The following BAHCC1 variants were observed in gnomAD, a reference collection of about 807,000 sequenced individuals.
BAHCC1 encodes BAH and coiled-coil domain-containing protein 1.
BAHCC1 carries 43 observed loss-of-function variants against 88.2 expected under a neutral mutation model. The observed-to-expected ratio is 0.49, with a 90% CI of 0.38 to 0.63. The LOEUF (loss-of-function observed/expected upper bound fraction) is 0.63, where lower values mean the gene tolerates loss of function less well. Ranked by LOEUF, BAHCC1 falls within the 20% of genes least tolerant of loss-of-function variation. The pLI is 0.00. For missense variants in BAHCC1, 3,023 were observed against 1,654.8 expected, an observed-to-expected ratio of 1.83 and a Z score of -14.34; for synonymous variants, 1,510 against 745.5, an observed-to-expected ratio of 2.03 and a Z score of -16.71.
chr17:81,418,642 T>G (rs2143330497), intron 2 of BAHCC1, among the ~76,000 whole-genome samples: 1 of 152,258 alleles, frequency 6.6e-6, no homozygotes, highest in East Asian at 1.9e-4. Context: ...AGTAAGTGGA[T>G]AAGTCTGGTG....
chr17:81,404,273 A>G lies in BAHCC1; in HGVS notation c.178+4356A>G, dbSNP rs555671054. 4.6e-5 allele frequency among the ~76,000 whole-genome samples: 7 copies of G among 152,376 alleles called. No homozygotes were observed. The East Asian group carries it at 1.3e-3, about 29-fold the overall frequency. On this transcript the variant is annotated intron_variant, in intron 2 of 27. Coordinates refer to ENST00000675386, the MANE Select transcript of BAHCC1 (RefSeq NM_001377448.1). The stretch of plus-strand genomic sequence containing the variant: ...TTTGGCAAAGAGCACAGAGTTAAAT[A>G]AATTATACAAGAGCCATTCATGGGA...
At chr17:81,441,692 AG>A in intron 4 of BAHCC1, 138 bp from the exon 5 acceptor site, 11 of 390,396 alleles carry the variant, frequency 2.8e-5, no homozygotes, top group Middle Eastern at 9.0e-4. Flanking sequence ...AAAAAAAAAG[AG>A]CAAAAACCTT....
Position 81,451,651 on chromosome 17 carries a change from C to G in BAHCC1, c.3977-17C>G, listed in dbSNP as rs781880205. On this transcript the variant is annotated splice_polypyrimidine_tract_variant and intron_variant, in intron 11 of 27. Coordinates refer to ENST00000675386, the MANE Select transcript of BAHCC1 (RefSeq NM_001377448.1). ...TGTGCCCAGTTATGCCCATGCTGAC[C>G]TTCCCATGCCGCACAGAGGAGGAAG... 2.6e-6 allele frequency: 2 copies of G among 770,930 alleles called. No individual in the cohort carries two copies. Among genetic ancestry groups the G allele is most frequent in the African/African-American group, 3.4e-5 (2 of 59,082 alleles). 47.8% of individuals were successfully genotyped at this position (770,930 alleles called of 1,614,324 possible). A position where few individuals can be genotyped will look rare whatever the true frequency, so the allele number is the denominator to read the frequency against.
At chr17:81,430,341 C>T (rs1380794279) in intron 3 of BAHCC1, among the ~76,000 whole-genome samples, 4 of 152,300 alleles carry the variant, frequency 2.6e-5, no homozygotes, top group Admixed American at 2.0e-4. Context: ...TGAGGCCACT[C>T]GTGGTCTCTT....
Position 81,443,095 on chromosome 17 carries a change from C to G in BAHCC1, c.1746C>G (p.Pro582=). 1.3e-6 allele frequency: 1 copy of G among 778,190 alleles called. No homozygotes were observed. The highest frequency in any genetic ancestry group is 2.4e-6 in the Non-Finnish European group (1 of 417,504). 48.2% of individuals were successfully genotyped at this position (778,190 alleles called of 1,614,324 possible). A position where few individuals can be genotyped will look rare whatever the true frequency, so the allele number is the denominator to read the frequency against. The change falls in exon 5 of 28, where the codon CCC becomes CCG. Residue 582 remains proline, a synonymous_variant. Transcript: ENST00000675386. The stretch of plus-strand genomic sequence containing the variant: ...TGGGCTACAGTGGGCCCCACCTGCC[C>G]CCATGGGGTGTCCAGGCAGGCCAGG... ...ASLGYSGPHL[P]PWGVQAGQGT...
intron 2 of BAHCC1, among the ~76,000 whole-genome samples, chr17:81,418,408 A>G (rs2064062768): frequency 1.3e-5 from 2 of 152,200 alleles, no homozygotes; most frequent in East Asian, 3.8e-4. Context: ...TCACTGCCCC[A>G]GGAGACGCAG....
chr17:81,458,890 C>T lies in BAHCC1; in HGVS notation c.5526C>T (p.Ser1842=), dbSNP rs1555658317. 1 of 774,674 alleles carries T rather than the reference C, an allele frequency of 1.3e-6. No individual in the cohort carries two copies. The highest frequency in any genetic ancestry group is 2.4e-6 in the Non-Finnish European group (1 of 414,436). The allele number at this position is 774,674 out of a possible 1,614,324, so 48.0% of individuals were successfully genotyped here. A position where few individuals can be genotyped will look rare whatever the true frequency, so the allele number is the denominator to read the frequency against. ...ACTTTGAGTTCGACGACAACAGCAG[C>T]TTCTCGGAAGAGGAGGAGGACGAGG... The part of the protein sequence containing the change: ...EEDFEFDDNS[S]FSEEEEDEEE... The change falls in exon 20 of 28, where the codon AGC becomes AGT. Residue 1842 remains serine, a synonymous_variant. Coordinates refer to ENST00000675386, the MANE Select transcript of BAHCC1 (RefSeq NM_001377448.1).
rs782369390 is a variant in BAHCC1, at chr17:81,456,501, C to T, written c.4774C>T (p.Arg1592Trp). The change falls in exon 16 of 28, where the codon CGG becomes TGG. Residue 1592 changes from arginine (R) to tryptophan (W), a missense_variant. By Grantham distance (101) the Arg-to-Trp change is moderately radical. Coordinates refer to ENST00000675386, the MANE Select transcript of BAHCC1 (RefSeq NM_001377448.1). ...GAGTGCCAAGGTGTCTGGGGCCACA[C>T]GGCACCCACAGCCCAAGGGCCACGG... is the stretch of plus-strand genomic sequence containing the variant. ...AKSAKVSGATRHPQPKGHGSR... is the reference protein window; with the variant it reads ...AKSAKVSGATWHPQPKGHGSR... 12 of 718,310 alleles carry T rather than the reference C, an allele frequency of 1.7e-5. No individual in the cohort carries two copies. Among genetic ancestry groups the T allele is most frequent in the Admixed American group, 4.0e-5 (2 of 50,120 alleles). 44.5% of individuals were successfully genotyped at this position (718,310 alleles called of 1,614,324 possible). A position where few individuals can be genotyped will look rare whatever the true frequency, so the allele number is the denominator to read the frequency against.
chr17:81,425,867 GGGTGATGTGGTTGGT>G lies in BAHCC1; in HGVS notation c.179-915_179-901del, dbSNP rs1161235998. ...TGATGATGTGGTTGGTGGTGGTGGTGGGTGATGTGGTTGGTGGTGATGTGGTTGGTGGGTGATGTC... is the reference window on the plus strand; with the variant it reads ...TGATGATGTGGTTGGTGGTGGTGGTGGGTGATGTGGTTGGTGGGTGATGTC... On this transcript the variant is annotated intron_variant, in intron 2 of 27. Transcript: ENST00000675386. 2.9e-4 allele frequency among the ~76,000 whole-genome samples: 43 copies of G among 147,442 alleles called. 1 individual carries two copies. The highest frequency in any genetic ancestry group is 2.7e-4 in the Admixed American group (4 of 14,824).
At chr17:81,401,931 G>A (rs1346153052) in intron 2 of BAHCC1, 1 of 152,334 alleles carries the variant, frequency 6.6e-6, no homozygotes, top group Non-Finnish European at 1.5e-5. Flanking sequence ...CCGGGTAGGT[G>A]GGCGCCTGGT....
At chr17:81,414,008 G>A (rs1555648234) in intron 2 of BAHCC1, among the ~76,000 whole-genome samples, 1 of 152,232 alleles carries the variant, frequency 6.6e-6, no homozygotes, top group Non-Finnish European at 1.5e-5. Flanking sequence ...CTTGGGATGG[G>A]GAGCTGGCCC....
At position 81,434,738 on chromosome 17, in the gene BAHCC1, G is replaced by GAAC. The variant is rs1555651458; in HGVS notation, c.359-3632_359-3631insAAC. ...CACGGCAGGGATGCTCCCTGGAAGGGCAGCCTGGGGGGTGGGTTGTGGCCA... is the reference window on the plus strand; with the variant it reads ...CACGGCAGGGATGCTCCCTGGAAGGGAACCAGCCTGGGGGGTGGGTTGTGGCCA... On this transcript the variant is annotated intron_variant, in intron 3 of 27. Transcript: ENST00000675386. The surrounding 1 kb of genome is among the most constrained non-coding windows in gnomAD (Gnocchi z 4.9). 7.5e-4 allele frequency among the ~76,000 whole-genome samples: 114 copies of GAAC among 152,240 alleles called. No homozygotes were observed. In the Middle Eastern group the frequency reaches 0.024, roughly 32 times the overall value.
intron 2 of BAHCC1, among the ~76,000 whole-genome samples, chr17:81,400,294 G>A (rs2063798381): frequency 6.6e-6 from 1 of 152,238 alleles, no homozygotes; most frequent in African/African-American, 2.4e-5. Context: ...ACAACGAGGC[G>A]CTTTCTGCGG....
chr17:81,427,479 A>G (rs2064213929), intron 3 of BAHCC1, among the ~76,000 whole-genome samples: 1 of 152,180 alleles, frequency 6.6e-6, no homozygotes, highest in Non-Finnish European at 1.5e-5. Flanking sequence ...CCCGTGGGAC[A>G]CAGCCCTGGA....
At chr17:81,439,863 C>T (rs950599160) in intron 4 of BAHCC1, among the ~76,000 whole-genome samples, 3 of 152,108 alleles carry the variant, frequency 2.0e-5, no homozygotes, top group East Asian at 1.9e-4. Flanking sequence ...GGTAGGGACC[C>T]GAGGCCAGTC....
rs781952131 is a variant in BAHCC1, at chr17:81,411,514, GCCTT to G, written c.178+11654_178+11657del. 28,618 of 173,584 alleles carry G rather than the reference GCCTT, an allele frequency of 0.16. 2,021 individuals carry two copies. Among genetic ancestry groups the G allele is most frequent in the East Asian group, 0.27 (1,746 of 6,558 alleles). 10.8% of individuals were successfully genotyped at this position (173,584 alleles called of 1,614,324 possible). On this transcript the variant is annotated intron_variant, in intron 2 of 27. Coordinates refer to ENST00000675386, the MANE Select transcript of BAHCC1 (RefSeq NM_001377448.1). The surrounding 1 kb of genome is among the most constrained non-coding windows in gnomAD (Gnocchi z 6.2). ...TGCCTGCCTGCCTGCCTGCCTGCCT[GCCTT>G]CCTTCCTTCCTTCCTTCCTTCCTTC...
chr17:81,426,957 C>G lies in BAHCC1; in HGVS notation c.336C>G (p.Ile112Met). The change falls in exon 3 of 28, where the codon ATC becomes ATG. Residue 112 changes from isoleucine (I) to methionine (M), a missense_variant. Coordinates refer to ENST00000675386, the MANE Select transcript of BAHCC1 (RefSeq NM_001377448.1). ...GCTCCCACCCCACCACCTCCCAGAT[C>G]TGGTTCTCCCACTCCCACGAAGGTA... ...YRGSHPTTSQ[I>M]WFSHSHEAPG... 5.0e-6 allele frequency: 2 copies of G among 398,668 alleles called. No individual in the cohort carries two copies. The highest frequency in any genetic ancestry group is 8.8e-6 in the Non-Finnish European group (2 of 226,104). The allele number at this position is 398,668 out of a possible 1,614,324, so 24.7% of individuals were successfully genotyped here. A position where few individuals can be genotyped will look rare whatever the true frequency, so the allele number is the denominator to read the frequency against.
chr17:81,462,091 A>G (rs781902608), intron 26 of BAHCC1, 45 bp downstream of exon 26: 4 of 696,560 alleles, frequency 5.7e-6, no homozygotes, highest in Non-Finnish European at 1.1e-5. Context: ...TCCCAAGGAA[A>G]CCGGGGCGGG....
intron 2 of BAHCC1, among the ~76,000 whole-genome samples, chr17:81,414,636 G>A (rs2063995904): frequency 1.3e-5 from 2 of 152,194 alleles, no homozygotes; most frequent in Admixed American, 1.3e-4. Flanking sequence ...TAAGATGAAC[G>A]TGTGTGTCGT....
Sources: allele counts gnomAD v4.1 joint callset (sites outside exome capture counted in the v4.1 genomes callset), GRCh38; gene constraint gnomAD v4.1.1; non-coding constraint Gnocchi (gnomAD v3.1); transcripts MANE v1.5; gene names NCBI Gene and HGNC (gene_info 2026-07-23, HGNC 2026-07-21).